The following CSMD3 variants were observed in gnomAD, a reference collection of about 807,000 sequenced individuals.
The protein encoded by CSMD3 is CUB and sushi domain-containing protein 3.
CSMD3 carries 177 observed loss-of-function variants against 435.2 expected under a neutral mutation model. That is an observed-to-expected ratio of 0.41 (90% CI 0.36 to 0.46). The LOEUF is 0.46. Among genes scored for constraint, CSMD3 ranks in the 20% least tolerant of loss-of-function variants. CSMD3 has a pLI of 0.34. For synonymous variants in CSMD3, 1,656 were observed against 1,520.5 expected (o/e 1.09, Z -2.07); for missense variants, 4,265 against 4,504.6 (o/e 0.95, Z 1.52).
In CSMD3 at chr8:112,636,905, A is replaced by G. The variant is rs201797766; in HGVS notation, c.3627T>C (p.Ser1209=). ...GIGDTLTFSC[S]SGYRLEGTSE... Reference sequence around the variant, plus strand: ...ATGTTCCTTCCAGTCGATAACCCGAAGAGCATGAGAAGGTCAGAGTGTCAC... The same window carrying G: ...ATGTTCCTTCCAGTCGATAACCCGAGGAGCATGAGAAGGTCAGAGTGTCAC... Residue 1209 remains serine, a synonymous_variant, in exon 22 of 71, where the codon TCT becomes TCC. Transcript: ENST00000297405. The G allele has an allele frequency of 3.7e-6, 6 of 1,613,590 alleles. No homozygotes were observed. The East Asian group carries it at 1.3e-4, about 36-fold the overall frequency.
intron 10 of CSMD3, among the ~76,000 whole-genome samples, chr8:112,907,776 T>C (rs2082302492): frequency 6.6e-6 from 1 of 151,386 alleles, no homozygotes; most frequent in African/African-American, 2.4e-5. Context: ...AGGTTAACAA[T>C]TTTTGAGTTG....
At chr8:112,973,159 A>G (rs1034101785) in intron 7 of CSMD3, among the ~76,000 whole-genome samples, 2 of 151,946 alleles carry the variant, frequency 1.3e-5, no homozygotes, top group Admixed American at 6.6e-5. Context: ...TATTCTTAAG[A>G]GCATTGATTA....
intron 5 of CSMD3, among the ~76,000 whole-genome samples, chr8:113,047,122 A>C (rs2087871050): frequency 6.6e-6 from 1 of 152,124 alleles, no homozygotes. Context: ...CTGGACATGC[A>C]CTCAGGGAGC....
chr8:113,286,622 T>C (rs1037117477), intron 2 of CSMD3, among the ~76,000 whole-genome samples: 5 of 151,964 alleles, frequency 3.3e-5, no homozygotes, highest in Non-Finnish European at 7.4e-5. Context: ...TATCTAACTA[T>C]GTTTATTAGG....
At chr8:112,750,965 C>G (rs2077556026) in intron 13 of CSMD3, among the ~76,000 whole-genome samples, 1 of 151,816 alleles carries the variant, frequency 6.6e-6, no homozygotes, top group Non-Finnish European at 1.5e-5. Flanking sequence ...GACATCTGTT[C>G]TGCAGGGCTG....
At chr8:113,014,429 T>A (rs1041410804) in intron 6 of CSMD3, among the ~76,000 whole-genome samples, 1 of 151,934 alleles carries the variant, frequency 6.6e-6, no homozygotes, top group African/African-American at 2.4e-5. Context: ...TGGGGCTGAT[T>A]GGCAGCCCCA....
At chr8:112,603,405 G>A (rs984341992) in intron 22 of CSMD3, among the ~76,000 whole-genome samples, 1 of 152,190 alleles carries the variant, frequency 6.6e-6, no homozygotes, top group Non-Finnish European at 1.5e-5. Flanking sequence ...GGTACTTTAA[G>A]CAATACTTGC....
intron 2 of CSMD3, among the ~76,000 whole-genome samples, chr8:113,291,126 A>G (rs1158196546): frequency 6.6e-6 from 1 of 151,570 alleles, no homozygotes; most frequent in African/African-American, 2.4e-5. Flanking sequence ...AGAAATGCCA[A>G]TTTAATTATA....
chr8:113,277,905 T>C (rs1049810452), intron 3 of CSMD3, among the ~76,000 whole-genome samples: 4 of 141,618 alleles, frequency 2.8e-5, no homozygotes, highest in Non-Finnish European at 6.0e-5. Flanking sequence ...ATGTAGATTC[T>C]GTGCCTTTAA....
At chr8:112,980,022 T>C (rs1314524271) in intron 6 of CSMD3, among the ~76,000 whole-genome samples, 2 of 150,958 alleles carry the variant, frequency 1.3e-5, no homozygotes, top group African/African-American at 4.8e-5. Context: ...ACATATAAGT[T>C]TGAAATTTTA....
chr8:112,426,566 T>C lies in CSMD3; in HGVS notation c.5396-17534A>G, dbSNP rs537645713. ...CTGACTTTGCTTATGCTAGACTATC[T>C]GATCTTCTTAGCTAATGTCTATTCA... On this transcript the variant is annotated intron_variant, in intron 32 of 70. Coordinates refer to ENST00000297405, the MANE Select transcript of CSMD3 (RefSeq NM_198123.2). Among the ~76,000 whole-genome samples, 52 of 152,286 alleles carry C rather than the reference T, an allele frequency of 3.4e-4. 2 individuals carry two copies. In the South Asian group the frequency reaches 0.011, roughly 31 times the overall value.
chr8:112,325,910 G>A (rs1201371896), intron 45 of CSMD3, among the ~76,000 whole-genome samples: 1 of 152,006 alleles, frequency 6.6e-6, no homozygotes, highest in East Asian at 1.9e-4. Flanking sequence ...AGAATCAAAT[G>A]GGTTTACACA....
intron 24 of CSMD3, among the ~76,000 whole-genome samples, 154 bp downstream of exon 24, chr8:112,573,347 G>T (rs1829686820): frequency 6.6e-6 from 1 of 151,994 alleles, no homozygotes; most frequent in Non-Finnish European, 1.5e-5. Context: ...TAACTTACCG[G>T]GCTGTTGTTA....
At chr8:112,263,855 T>C (rs752356410) in intron 60 of CSMD3, 43 bp from the exon 61 acceptor site, 74 of 1,525,810 alleles carry the variant, frequency 4.8e-5, no homozygotes, top group Non-Finnish European at 6.5e-5. Flanking sequence ...TGTTGAAATA[T>C]CCTGAGCCTT....
intron 65 of CSMD3, among the ~76,000 whole-genome samples, chr8:112,242,298 T>C (rs1037297680): frequency 1.3e-5 from 2 of 152,104 alleles, no homozygotes; most frequent in African/African-American, 4.8e-5. Flanking sequence ...AAATAAATCA[T>C]GTAGGATGTA....
intron 13 of CSMD3, among the ~76,000 whole-genome samples, chr8:112,765,536 A>G (rs1168528538): frequency 6.6e-6 from 1 of 151,670 alleles, no homozygotes; most frequent in African/African-American, 2.4e-5. Context: ...AGGTGATTAC[A>G]TCGTTTTCTA....
intron 5 of CSMD3, among the ~76,000 whole-genome samples, chr8:113,027,884 A>G (rs2086934582): frequency 6.6e-6 from 1 of 152,112 alleles, no homozygotes; most frequent in Non-Finnish European, 1.5e-5. Flanking sequence ...CATGCTTCAG[A>G]AAAATCTATG....
chr8:112,953,584 C>T (rs141801340), intron 8 of CSMD3, among the ~76,000 whole-genome samples: 7 of 151,436 alleles, frequency 4.6e-5, no homozygotes, highest in South Asian at 2.1e-4. Flanking sequence ...ATTCTCAAGT[C>T]TAACTAATAA....
At chr8:113,251,568 T>C (rs963161558) in intron 3 of CSMD3, among the ~76,000 whole-genome samples, 2 of 152,052 alleles carry the variant, frequency 1.3e-5, no homozygotes, top group African/African-American at 4.8e-5. Context: ...TAAATCTTGA[T>C]TTACTTTGGG....
Sources: gnomAD v4.1 joint callset for allele counts (sites outside exome capture counted in the v4.1 genomes callset) on GRCh38, gnomAD v4.1.1 for gene constraint, MANE v1.5 for transcripts, NCBI Gene and HGNC (gene_info 2026-07-23, HGNC 2026-07-21) for gene names.